The following CHIA variants were observed in gnomAD, a reference collection of about 807,000 sequenced individuals.
CHIA encodes the protein chitinase acidic, also known as acidic mammalian chitinase.
A neutral mutation model predicts 53.5 loss-of-function variants in CHIA; 47 were observed. That is an observed-to-expected ratio of 0.88 (90% CI 0.70 to 1.12). CHIA has a LOEUF of 1.12. CHIA is among the 50% of genes most tolerant of loss of function. The probability of loss-of-function intolerance (pLI) is 0.00; values close to 1 mark genes in which losing one functional copy is unlikely to be tolerated. For synonymous variants in CHIA, 268 were observed against 222.2 expected (o/e 1.21, Z -1.83); for missense variants, 652 against 592.2 (o/e 1.10, Z -1.05).
chr1:111,308,416 G>C (rs957849101), intron 1 of CHIA, among the ~76,000 whole-genome samples: 3 of 152,178 alleles, frequency 2.0e-5, no homozygotes, highest in African/African-American at 7.2e-5. Flanking sequence ...CCAAAAGCTT[G>C]CGTACTTAAC....
rs536523940 is a variant in CHIA at position 111,315,374 on chromosome 1, A to G, written c.419A>G (p.Glu140Gly). 1.5e-5 allele frequency: 24 copies of G among 1,614,080 alleles called. No individual in the cohort carries two copies. The highest frequency in any genetic ancestry group is 2.0e-5 in the Non-Finnish European group (24 of 1,180,008). ...TTTGACGGGCTGGACTTTGACTGGGAGTACCCTGGCTCTCGTGGGAGCCCT... is the reference window on the plus strand; with the variant it reads ...TTTGACGGGCTGGACTTTGACTGGGGGTACCCTGGCTCTCGTGGGAGCCCT... ...YEFDGLDFDW[E>G]YPGSRGSPPQ... The change falls in exon 6 of 12, where the codon GAG becomes GGG. Residue 140 changes from glutamate to glycine, a missense_variant. Coordinates refer to ENST00000369740, the MANE Select transcript of CHIA (RefSeq NM_201653.4).
At chr1:111,312,015 C>A (rs967014451) in intron 3 of CHIA, among the ~76,000 whole-genome samples, 175 bp from the exon 4 acceptor site, 12 of 152,180 alleles carry the variant, frequency 7.9e-5, no homozygotes, top group Non-Finnish European at 1.5e-4. Flanking sequence ...AAGTTAGTGA[C>A]CAGTTCTGAG....
intron 3 of CHIA, 86 bp from the exon 4 acceptor site, chr1:111,312,104 A>G: frequency 1.0e-6 from 1 of 997,848 alleles, no homozygotes; most frequent in Non-Finnish European, 1.6e-6. Context: ...AGGCACAGGG[A>G]GGGAAACAGA....
At chr1:111,315,249 C>T in intron 5 of CHIA, 21 bp from the exon 6 acceptor site, 1 of 1,604,330 alleles carries the variant, frequency 6.2e-7, no homozygotes, top group Non-Finnish European at 8.5e-7. Context: ...TCTCACCCTG[C>T]CTTCTTTGGG....
intron 1 of CHIA, among the ~76,000 whole-genome samples, chr1:111,294,102 A>G (rs1006090880): frequency 1.3e-5 from 2 of 152,274 alleles, no homozygotes; most frequent in Non-Finnish European, 1.5e-5. Context: ...GACAACAAAG[A>G]AAACATCACT....
chr1:111,295,677 T>A (rs1185249112), intron 1 of CHIA, among the ~76,000 whole-genome samples: 1 of 125,740 alleles, frequency 8.0e-6, no homozygotes, highest in African/African-American at 2.8e-5. Flanking sequence ...CATTTTCAGC[T>A]GAGGTACCGG....
chr1:111,294,025 T>A (rs1200042196), intron 1 of CHIA, among the ~76,000 whole-genome samples: 3 of 152,144 alleles, frequency 2.0e-5, no homozygotes. Context: ...AAGGATGCAG[T>A]GAGCTATGAT....
At chr1:111,295,737 G>A (rs1661299251) in intron 1 of CHIA, among the ~76,000 whole-genome samples, 1 of 152,152 alleles carries the variant, frequency 6.6e-6, no homozygotes, top group African/African-American at 2.4e-5. Context: ...CACGGAGGGT[G>A]AGCCAAAGCA....
At chr1:111,297,901 C>CAAAAAAAAAAAA (rs1188512345) in intron 1 of CHIA, among the ~76,000 whole-genome samples, 29 of 31,844 alleles carry the variant, frequency 9.1e-4, no homozygotes, top group Admixed American at 2.0e-3. Flanking sequence ...AAATGGAAAG[C>CAAAAAAAAAAAA]AAAAAAAAAA....
chr1:111,308,315 G>T (rs1179788370), intron 1 of CHIA, among the ~76,000 whole-genome samples: 2 of 152,166 alleles, frequency 1.3e-5, no homozygotes, highest in Non-Finnish European at 2.9e-5. Context: ...GTTTGTTTTT[G>T]CAAATCCTTG....
intron 6 of CHIA, chr1:111,316,079 T>A (rs1453668160): frequency 3.5e-6 from 1 of 287,802 alleles, no homozygotes; most frequent in Non-Finnish European, 6.9e-6. Context: ...GATCAGAAAG[T>A]GTTTCCTAGA....
intron 1 of CHIA, among the ~76,000 whole-genome samples, chr1:111,292,873 G>A (rs1661110965): frequency 1.3e-5 from 2 of 152,058 alleles, no homozygotes; most frequent in African/African-American, 4.8e-5. Flanking sequence ...TTTTTTCATT[G>A]AGTATAATGT....
chr1:111,301,594 C>T (rs945791509), intron 1 of CHIA, among the ~76,000 whole-genome samples: 63 of 149,916 alleles, frequency 4.2e-4, no homozygotes, highest in Middle Eastern at 3.5e-3. Flanking sequence ...CCCAGCTACT[C>T]GGGAGGCTGA....
At chr1:111,308,779 G>A (rs1027498421) in intron 1 of CHIA, among the ~76,000 whole-genome samples, 12 of 152,092 alleles carry the variant, frequency 7.9e-5, no homozygotes, top group African/African-American at 2.7e-4. Context: ...CCCATAGAAA[G>A]ACTTGGTTTC....
chr1:111,298,300 A>C (rs1647379606), intron 1 of CHIA, among the ~76,000 whole-genome samples: 1 of 152,248 alleles, frequency 6.6e-6, no homozygotes, highest in South Asian at 2.1e-4. Context: ...CATTCTTCTC[A>C]GCACCACATC....
chr1:111,291,134 C>T (rs1415171931), intron 1 of CHIA, among the ~76,000 whole-genome samples, 184 bp downstream of exon 1: 1 of 152,130 alleles, frequency 6.6e-6, no homozygotes, highest in Non-Finnish European at 1.5e-5. Flanking sequence ...CTTTTCTCCT[C>T]CCCTCACACA....
intron 1 of CHIA, among the ~76,000 whole-genome samples, chr1:111,296,292 G>A (rs180944990): frequency 1.8e-4 from 28 of 152,318 alleles, no homozygotes; most frequent in East Asian, 9.6e-4. Context: ...AGCCTAACTC[G>A]GAGACACATC....
intron 1 of CHIA, among the ~76,000 whole-genome samples, chr1:111,302,017 A>T (rs1647797112): frequency 6.6e-6 from 1 of 152,178 alleles, no homozygotes; most frequent in South Asian, 2.1e-4. Flanking sequence ...ACAAACCTGC[A>T]CGTTGTGCAC....
intron 1 of CHIA, among the ~76,000 whole-genome samples, chr1:111,299,599 A>T (rs1647529362): frequency 6.6e-6 from 1 of 152,218 alleles, no homozygotes. Flanking sequence ...CAAAATAATA[A>T]GAACTATTTA....
Sources: allele counts gnomAD v4.1 joint callset (sites outside exome capture counted in the v4.1 genomes callset), GRCh38; gene constraint gnomAD v4.1.1; transcripts MANE v1.5; gene names NCBI Gene and HGNC (gene_info 2026-07-23, HGNC 2026-07-21).